Variants in CDC42SE2 observed in about 807,000 individuals in gnomAD.
The protein encoded by CDC42SE2 is CDC42 small effector 2.
In CDC42SE2, 3 loss-of-function variants were observed where a neutral mutation model predicts 11.5. The ratio of observed to expected loss-of-function variants is 0.26; its 90% CI spans 0.12 to 0.67. The LOEUF (loss-of-function observed/expected upper bound fraction) is 0.67. Ranked by LOEUF, CDC42SE2 falls within the 30% of genes least tolerant of loss-of-function variation. CDC42SE2 has a pLI of 0.80. For missense variants in CDC42SE2, 82 were observed against 106.8 expected, an observed-to-expected ratio of 0.77 and a Z score of 1.02; for synonymous variants, 33 against 34.8, an observed-to-expected ratio of 0.95 and a Z score of 0.18.
intron 3 of CDC42SE2, among the ~76,000 whole-genome samples, chr5:131,363,741 G>A (rs1749778364): frequency 7.4e-6 from 1 of 135,808 alleles, no homozygotes; most frequent in African/African-American, 2.9e-5. Flanking sequence ...TGTCTCCCAA[G>A]CTGGAGTGCA....
chr5:131,362,054 C>G (rs1163493600), intron 3 of CDC42SE2, among the ~76,000 whole-genome samples: 1 of 152,054 alleles, frequency 6.6e-6, no homozygotes, highest in African/African-American at 2.4e-5. Flanking sequence ...CATTTGGGCC[C>G]AAAAGCAGGA....
At chr5:131,265,363 C>G (rs984136680) in intron 1 of CDC42SE2, among the ~76,000 whole-genome samples, 1 of 151,990 alleles carries the variant, frequency 6.6e-6, no homozygotes, top group Non-Finnish European at 1.5e-5. Flanking sequence ...CTTTCTGTTT[C>G]ATTATGAATA....
At chr5:131,296,515 C>T (rs906236287) in intron 1 of CDC42SE2, among the ~76,000 whole-genome samples, 1 of 152,170 alleles carries the variant, frequency 6.6e-6, no homozygotes, top group Non-Finnish European at 1.5e-5. Flanking sequence ...TGCTGGCAGT[C>T]GTTGGCTTGC....
chr5:131,364,264 G>A (rs1485556358), intron 3 of CDC42SE2, among the ~76,000 whole-genome samples: 12 of 152,230 alleles, frequency 7.9e-5, no homozygotes, highest in Admixed American at 7.9e-4. Flanking sequence ...AATTTAAATA[G>A]TGTGTTCAGG....
intron 1 of CDC42SE2, among the ~76,000 whole-genome samples, chr5:131,295,363 T>C (rs1231471874): frequency 5.3e-5 from 8 of 152,072 alleles, no homozygotes; most frequent in Non-Finnish European, 1.2e-4. Flanking sequence ...AAGATAAGTA[T>C]TGGCAGTGAC....
chr5:131,324,684 A>C (rs549803007), intron 2 of CDC42SE2, among the ~76,000 whole-genome samples: 1 of 151,982 alleles, frequency 6.6e-6, no homozygotes, highest in Non-Finnish European at 1.5e-5. Flanking sequence ...TTTTCCACAC[A>C]TTTTTTTTAA....
At chr5:131,348,278 A>G (rs1167950682) in intron 2 of CDC42SE2, among the ~76,000 whole-genome samples, 2 of 152,250 alleles carry the variant, frequency 1.3e-5, no homozygotes, top group Non-Finnish European at 2.9e-5. Context: ...CCTTAAGCTG[A>G]TAAGCAACTT....
At position 131,296,017 on chromosome 5, in the gene CDC42SE2, G is replaced by A. The variant is rs137869263; in HGVS notation, c.-454-19959G>A. 1.4e-3 allele frequency among the ~76,000 whole-genome samples: 211 copies of A among 152,220 alleles called. 1 individual carries two copies. Among genetic ancestry groups the A allele is most frequent in the African/African-American group, 4.7e-3 (197 of 41,538 alleles). ...TTCTTTTTATCCAGTTTTACTATGG[G>A]TATGTACTATCTGGTCAAAATATGT... is the stretch of plus-strand genomic sequence containing the variant. On this transcript the variant is annotated intron_variant, in intron 1 of 4. Coordinates refer to ENST00000505065, the MANE Select transcript of CDC42SE2 (RefSeq NM_001375635.1).
At chr5:131,229,580 G>T in the CDC42SE2 span, among the ~76,000 whole-genome samples, 1 of 151,998 alleles carries the variant, frequency 6.6e-6, no homozygotes, top group Admixed American at 6.6e-5. Context: ...TGTTTTTTTA[G>T]CAATTTAAGA....
chr5:131,301,744 C>T (rs1227565170), intron 1 of CDC42SE2, among the ~76,000 whole-genome samples: 4 of 146,320 alleles, frequency 2.7e-5, no homozygotes, highest in Non-Finnish European at 4.5e-5. Context: ...GGAGACAGAG[C>T]AAGACTCCGT....
intron 1 of CDC42SE2, among the ~76,000 whole-genome samples, chr5:131,301,316 C>T (rs1757673649): frequency 6.6e-6 from 1 of 151,862 alleles, no homozygotes; most frequent in African/African-American, 2.4e-5. Flanking sequence ...CTTCAAATAG[C>T]TAAAAGGAGA....
intron 1 of CDC42SE2, among the ~76,000 whole-genome samples, chr5:131,294,114 G>T (rs113177208): frequency 1.6e-3 from 250 of 152,248 alleles, no homozygotes; most frequent in African/African-American, 5.7e-3. Context: ...AGGATGCAGA[G>T]TCAAGTATAC....
At chr5:131,384,428 G>A (rs981674524) in intron 3 of CDC42SE2, among the ~76,000 whole-genome samples, 1 of 152,148 alleles carries the variant, frequency 6.6e-6, no homozygotes, top group Non-Finnish European at 1.5e-5. Context: ...TATGTTCAAA[G>A]GCAGCTAATC....
At chr5:131,230,691 T>A in the CDC42SE2 span, among the ~76,000 whole-genome samples, 1 of 152,158 alleles carries the variant, frequency 6.6e-6, no homozygotes, top group Non-Finnish European at 1.5e-5. Context: ...GAAGAGAAAA[T>A]GCAAATGCAG....
intron 1 of CDC42SE2, among the ~76,000 whole-genome samples, chr5:131,266,289 A>G (rs772577470): frequency 3.3e-5 from 5 of 152,136 alleles, no homozygotes; most frequent in Non-Finnish European, 7.4e-5. Context: ...GTCTGTCTTG[A>G]TTATTATGAA....
intron 1 of CDC42SE2, among the ~76,000 whole-genome samples, chr5:131,265,794 A>T (rs1052924144): frequency 2.0e-5 from 3 of 152,226 alleles, no homozygotes; most frequent in African/African-American, 7.2e-5. Flanking sequence ...GAAGGGAGGA[A>T]GACATTTAAT....
rs1750695912 is a variant in CDC42SE2 at position 131,392,642 on chromosome 5, G to C, written c.*1551G>C. ...AGGACCTGTGGTTGTAAACAGGTGT[G>C]GTTACAGGTGTGGTTATGTATCTGA... On this transcript the variant is annotated 3_prime_UTR_variant, in exon 5 of 5. Coordinates refer to ENST00000505065, the MANE Select transcript of CDC42SE2 (RefSeq NM_001375635.1). The C allele has an allele frequency of 6.6e-6, 1 of 152,320 alleles. No homozygotes were observed. Among genetic ancestry groups the C allele is most frequent in the African/African-American group, 2.4e-5 (1 of 41,438 alleles). The allele number at this position is 152,320 out of a possible 1,614,324, so 9.4% of individuals were successfully genotyped here.
At chr5:131,239,199 T>G in the CDC42SE2 span, among the ~76,000 whole-genome samples, 1,342 of 150,810 alleles carry the variant, frequency 8.9e-3, 24 homozygotes, top group African/African-American at 0.031. Flanking sequence ...AAGAAAGAAA[T>G]ATATATATAT....
intron 1 of CDC42SE2, among the ~76,000 whole-genome samples, chr5:131,301,228 C>A (rs1009732461): frequency 2.0e-5 from 3 of 151,978 alleles, no homozygotes; most frequent in Admixed American, 6.6e-5. Flanking sequence ...TTAAAGGACA[C>A]AAAATTACAA....
Sources: gnomAD v4.1 joint callset for allele counts (sites outside exome capture counted in the v4.1 genomes callset) on GRCh38, gnomAD v4.1.1 for gene constraint, MANE v1.5 for transcripts, NCBI Gene and HGNC (gene_info 2026-07-23, HGNC 2026-07-21) for gene names.